TCF20: variants seen among roughly 807,000 people sequenced by gnomAD.
TCF20 encodes the protein transcription factor 20.
A neutral mutation model predicts 148.6 loss-of-function variants in TCF20; 3 were observed. The observed-to-expected ratio is 0.02, with a 90% confidence interval of 0.01 to 0.05. TCF20 has a LOEUF of 0.05. TCF20 is among the 10% of genes least tolerant of loss of function. The pLI is 1.00. For synonymous variants in TCF20, 1,049 were observed against 909.5 expected (o/e 1.15, Z -2.76); for missense variants, 2,350 against 2,429.3 (o/e 0.97, Z 0.69).
intron 2 of TCF20, among the ~76,000 whole-genome samples, chr22:42,198,004 T>G (rs565241425): frequency 1.3e-5 from 2 of 152,314 alleles, no homozygotes; most frequent in South Asian, 4.1e-4. Flanking sequence ...CTTCTTGACC[T>G]AGCAGTTCAA....
intron 5 of TCF20, among the ~76,000 whole-genome samples, chr22:42,165,216 C>T (rs1935709002): frequency 6.6e-6 from 1 of 152,256 alleles, no homozygotes; most frequent in Non-Finnish European, 1.5e-5. Flanking sequence ...ATGTGACATT[C>T]ATGCATACAC....
chr22:42,270,596 C>G lies in TCF20; in HGVS notation c.-294G>C, dbSNP rs1005184775. Reference sequence around the variant, plus strand: ...GAGGCCGCGGCCGCCTCGCAGGGGCCGAAAGCGGCTGGGCTCGGGGTTTTT... The same window carrying G: ...GAGGCCGCGGCCGCCTCGCAGGGGCGGAAAGCGGCTGGGCTCGGGGTTTTT... On this transcript the variant is annotated 5_prime_UTR_variant, in exon 1 of 6. Transcript: ENST00000677622. 2.7e-5 allele frequency among the ~76,000 whole-genome samples: 4 copies of G among 145,520 alleles called. No individual in the cohort carries two copies. The highest frequency in any genetic ancestry group is 4.6e-5 in the Non-Finnish European group (3 of 65,608).
At chr22:42,198,152 AAG>A (rs1231450194) in intron 2 of TCF20, among the ~76,000 whole-genome samples, 1 of 152,244 alleles carries the variant, frequency 6.6e-6, no homozygotes, top group African/African-American at 2.4e-5. Context: ...ACTAAGAAAA[AAG>A]AAATCACAGA....
chr22:42,169,809 C>T, intron 4 of TCF20, 38 bp downstream of exon 4: 2 of 1,611,572 alleles, frequency 1.2e-6, no homozygotes, highest in Non-Finnish European at 1.7e-6. Context: ...CACCCTCGAT[C>T]CCATCCCTGC....
Position 42,168,692 on chromosome 22 carries a change from C to T in TCF20, c.5844G>A (p.Ala1948=), listed in dbSNP as rs370598812. The change falls in exon 5 of 6, where the codon GCG becomes GCA. Residue 1948 remains alanine, a synonymous_variant. Coordinates refer to ENST00000677622, the MANE Select transcript of TCF20 (RefSeq NM_001378418.1). ...ACTGCTCTGTGCTGAGGCTGCCTTT[C>T]GCGGTCTTGTTCTGCAAGGGGGGGA... ...CPLPPLQNKT[A]KGSLSTEQSE... is the part of the protein sequence containing the mutation. The T allele has an allele frequency of 1.4e-4, 223 of 1,610,864 alleles. No individual in the cohort carries two copies. Among genetic ancestry groups the T allele is most frequent in the Non-Finnish European group, 1.8e-4 (209 of 1,178,890 alleles).
At chr22:42,196,710 T>C (rs1375373287) in intron 2 of TCF20, among the ~76,000 whole-genome samples, 1 of 152,172 alleles carries the variant, frequency 6.6e-6, no homozygotes. Flanking sequence ...TGAGACTTGT[T>C]AGATGAATAT....
At chr22:42,191,351 G>A (rs1394133894) in intron 2 of TCF20, among the ~76,000 whole-genome samples, 1 of 152,016 alleles carries the variant, frequency 6.6e-6, no homozygotes, top group Admixed American at 6.6e-5. Context: ...GTACAGTGAC[G>A]AGATCTTGGC....
intron 1 of TCF20, among the ~76,000 whole-genome samples, chr22:42,264,487 A>G (rs1161924947): frequency 6.6e-6 from 1 of 152,134 alleles, no homozygotes; most frequent in South Asian, 2.1e-4. Flanking sequence ...CTATTCACAA[A>G]CCAAAAAGAT....
At chr22:42,208,773 A>G (rs994823572) in intron 2 of TCF20, among the ~76,000 whole-genome samples, 7 of 152,228 alleles carry the variant, frequency 4.6e-5, no homozygotes, top group African/African-American at 1.7e-4. Flanking sequence ...AACAGGAATT[A>G]TAAAGAGAGC....
At chr22:42,302,622 G>A (rs1052442499) in intron 1 of TCF20, among the ~76,000 whole-genome samples, 1 of 152,210 alleles carries the variant, frequency 6.6e-6, no homozygotes, top group Admixed American at 6.5e-5. Flanking sequence ...ATTCCTGGAT[G>A]TCTCACATGG....
rs752097903 is a variant in TCF20 at position 42,179,658 on chromosome 22, G to A, written c.5700C>T (p.Tyr1900=). The A allele has an allele frequency of 7.4e-6, 12 of 1,614,046 alleles. No individual in the cohort carries two copies. Among genetic ancestry groups the A allele is most frequent in the Non-Finnish European group, 1.0e-5 (12 of 1,180,022 alleles). The change falls in exon 3 of 6, where the codon TAC becomes TAT. Residue 1900 remains tyrosine (Y), a synonymous_variant. Transcript: ENST00000677622. ...GGTATCGGAAGGAGCAGCCTTTGTT[G>A]TAGCAGCCCAAGGTGGCGCCTGCCT... The part of the protein sequence containing the change: ...CQEAGATLGC[Y]NKGCSFRYHY...
chr22:42,295,416 G>A (rs1927214893), intron 1 of TCF20, among the ~76,000 whole-genome samples: 1 of 151,354 alleles, frequency 6.6e-6, no homozygotes, highest in African/African-American at 2.4e-5. Flanking sequence ...CCCTCCCTGA[G>A]ATGCTCCTCC....
chr22:42,323,968 ATGG>A (rs1431725988), intron 1 of TCF20, among the ~76,000 whole-genome samples: 7 of 4,744 alleles, frequency 1.5e-3, no homozygotes, highest in South Asian at 6.8e-3. Flanking sequence ...GGTGGTGGTG[ATGG>A]TGGTGGTGGA....
At chr22:42,331,641 G>C (rs1474856475) in intron 1 of TCF20, among the ~76,000 whole-genome samples, 2 of 152,262 alleles carry the variant, frequency 1.3e-5, no homozygotes, top group African/African-American at 2.4e-5. Flanking sequence ...CATGTCTAGG[G>C]CTTGAGCCCT....
intron 1 of TCF20, among the ~76,000 whole-genome samples, chr22:42,263,839 T>C (rs912161977): frequency 2.0e-5 from 3 of 152,128 alleles, no homozygotes; most frequent in Non-Finnish European, 4.4e-5. Context: ...AGAGCCACTG[T>C]GAACTATGCT....
intron 1 of TCF20, among the ~76,000 whole-genome samples, chr22:42,323,769 G>A (rs1373109263): frequency 1.3e-5 from 2 of 151,148 alleles, no homozygotes; most frequent in African/African-American, 4.8e-5. Flanking sequence ...AAACGGGGAT[G>A]ACAACTGTAC....
intron 1 of TCF20, among the ~76,000 whole-genome samples, chr22:42,238,914 G>A (rs1351273958): frequency 4.7e-5 from 7 of 147,928 alleles, no homozygotes; most frequent in Admixed American, 1.4e-4. Context: ...TCAGGAGATT[G>A]AGACCAACCT....
intron 2 of TCF20, among the ~76,000 whole-genome samples, chr22:42,208,139 C>T (rs1410851708): frequency 1.3e-5 from 2 of 150,932 alleles, no homozygotes; most frequent in African/African-American, 4.9e-5. Flanking sequence ...CATCACATCA[C>T]TGCACTCCAG....
chr22:42,202,170 T>G (rs1338730898), intron 2 of TCF20, among the ~76,000 whole-genome samples: 3 of 152,192 alleles, frequency 2.0e-5, no homozygotes, highest in African/African-American at 7.2e-5. Context: ...ATGATGGAAC[T>G]ACAACATAAG....
Sources: allele counts gnomAD v4.1 joint callset (sites outside exome capture counted in the v4.1 genomes callset), GRCh38; gene constraint gnomAD v4.1.1; transcripts MANE v1.5; gene names NCBI Gene and HGNC (gene_info 2026-07-23, HGNC 2026-07-21).